Variants in RND2 observed in about 807,000 individuals in gnomAD.
RND2 encodes Rho family GTPase 2.
A neutral mutation model predicts 25.9 loss-of-function variants in RND2; 16 were observed. The observed-to-expected ratio is 0.62, with a 90% CI of 0.42 to 0.94. The LOEUF is 0.94. RND2 is among the 40% of genes least tolerant of loss of function. RND2 has a pLI of 0.00. For missense variants in RND2, 276 were observed against 305.5 expected, an observed-to-expected ratio of 0.90 and a Z score of 0.72; for synonymous variants, 97 against 118.1, an observed-to-expected ratio of 0.82 and a Z score of 1.16.
At position 43,029,818 on chromosome 17, in the gene RND2, C is replaced by T. The variant is rs72829113; in HGVS notation, c.*1138C>T. The T allele has an allele frequency of 0.32, 46,619 of 147,772 alleles. 7,580 individuals carry two copies. Among genetic ancestry groups the T allele is most frequent in the South Asian group, 0.5 (2,340 of 4,678 alleles). 9.2% of individuals were successfully genotyped at this position (147,772 alleles called of 1,614,324 possible). The stretch of plus-strand genomic sequence containing the variant: ...CTGAGGCAGGAGAATGGTGTGAACC[C>T]GGGTGAACCTGGGAGGCGGAGCTTG... On this transcript the variant is annotated 3_prime_UTR_variant, in exon 5 of 5. Transcript: ENST00000587250.
In RND2 at chr17:43,028,089, CCAATGCCA is replaced by C. The variant is rs1359423226; in HGVS notation, c.330_337del (p.Asn111GlyfsTer7). On this transcript the variant is annotated frameshift_variant, in exon 4 of 5. Coordinates refer to ENST00000587250, the MANE Select transcript of RND2 (RefSeq NM_005440.5). LOFTEE classifies it high-confidence loss of function. The stretch of plus-strand genomic sequence containing the variant: ...CAAGGAGAGACTCAAGAGTTCTGCC[CCAATGCCA>C]AGGTTGTGCTGGTTGGCTGTAAACT... 6.2e-7 allele frequency: 1 copy of C among 1,614,062 alleles called. No homozygotes were observed. The highest frequency in any genetic ancestry group is 8.5e-7 in the Non-Finnish European group (1 of 1,179,992).
rs1421526082 is a variant in RND2, at chr17:43,029,473, G to C, written c.*793G>C. 1 of 152,410 alleles carries C rather than the reference G, an allele frequency of 6.6e-6. No homozygotes were observed. Among genetic ancestry groups the C allele is most frequent in the African/African-American group, 2.4e-5 (1 of 41,432 alleles). 9.4% of individuals were successfully genotyped at this position (152,410 alleles called of 1,614,324 possible). A position where few individuals can be genotyped will look rare whatever the true frequency, so the allele number is the denominator to read the frequency against. ...ATTCTCAGGCCATTAGGGGGTTTTA[G>C]AGCAGACCGACATATAATTAGTCAG... On this transcript the variant is annotated 3_prime_UTR_variant, in exon 5 of 5. Coordinates refer to ENST00000587250, the MANE Select transcript of RND2 (RefSeq NM_005440.5).
At chr17:43,026,460 G>A (rs2050623621) in intron 2 of RND2, among the ~76,000 whole-genome samples, 1 of 152,150 alleles carries the variant, frequency 6.6e-6, no homozygotes, top group African/African-American at 2.4e-5. Context: ...GACCAGCCTG[G>A]CCAACATGGT....
At position 43,025,377 on chromosome 17, in the gene RND2, C is replaced by A; in HGVS notation, c.30C>A (p.Ile10=). The A allele has an allele frequency of 1.3e-6, 2 of 1,551,472 alleles. No homozygotes were observed. The highest frequency in any genetic ancestry group is 2.0e-5 in the Admixed American group (1 of 50,838). The part of the protein sequence containing the change: MEGQSGRCK[I]VVVGDAECGK... ...AGGGGCAGAGCGGCCGCTGCAAGAT[C>A]GTGGTGGTGGGAGACGCAGAGTGCG... is the stretch of plus-strand genomic sequence containing the variant. The change falls in exon 1 of 5, where the codon ATC becomes ATA. Residue 10 remains isoleucine (I), a synonymous_variant. Transcript: ENST00000587250.
In RND2 at chr17:43,029,954, C is replaced by T. The variant is rs148917494; in HGVS notation, c.*1274C>T. The T allele has an allele frequency of 6.2e-3, 917 of 148,150 alleles. 2 individuals carry two copies. Among genetic ancestry groups the T allele is most frequent in the Non-Finnish European group, 9.8e-3 (660 of 67,074 alleles). 9.2% of individuals were successfully genotyped at this position (148,150 alleles called of 1,614,324 possible). A position where few individuals can be genotyped will look rare whatever the true frequency, so the allele number is the denominator to read the frequency against. ...GAAGGCATCAAAAGCCTCCACATCA[C>T]AGAAGCTACCCCTGTACAGCGTGAA... On this transcript the variant is annotated 3_prime_UTR_variant, in exon 5 of 5. Transcript: ENST00000587250.
At position 43,027,265 on chromosome 17, in the gene RND2, A is replaced by C. The variant is rs1016068174; in HGVS notation, c.273A>C (p.Pro91=). 2 of 1,612,984 alleles carry C rather than the reference A, an allele frequency of 1.2e-6. No homozygotes were observed. The highest frequency in any genetic ancestry group is 4.5e-5 in the East Asian group (2 of 44,804). ...TCATCTGCTTCGACATTAGCCGACC[A>C]GAAACACTGGACAGTGTTCTCAAGA... ...AVLICFDISR[P]ETLDSVLKKW... Residue 91 remains proline, a synonymous_variant, in exon 3 of 5, where the codon CCA becomes CCC. Transcript: ENST00000587250.
chr17:43,025,475 GGACGCTAAGGCTGCTGGGGGGTGGGT>G (rs1389327903), intron 1 of RND2, 26 bp downstream of exon 1: 1 of 1,542,716 alleles, frequency 6.5e-7, no homozygotes. Context: ...CTTGGGAGGG[GGACGCTAAGGCTGCTGGGGGGTGGGT>G]GACAGGGGCC....
chr17:43,030,233 TC>T lies in RND2; in HGVS notation c.*1556del. ...TCCTGTATTCCCTTCCTGGCTCTGG[TC>T]CCACTGGCCTCTTTTCGGTGACATT... On this transcript the variant is annotated 3_prime_UTR_variant, in exon 5 of 5. Transcript: ENST00000587250. 6.5e-6 allele frequency: 1 copy of T among 153,012 alleles called. No homozygotes were observed. The highest frequency in any genetic ancestry group is 1.5e-5 in the Non-Finnish European group (1 of 68,238). 9.5% of individuals were successfully genotyped at this position (153,012 alleles called of 1,614,324 possible). A position where few individuals can be genotyped will look rare whatever the true frequency, so the allele number is the denominator to read the frequency against.
chr17:43,029,185 C>T lies in RND2; in HGVS notation c.*505C>T, dbSNP rs1198483259. 6.5e-6 allele frequency: 1 copy of T among 154,902 alleles called. No individual in the cohort carries two copies. Among genetic ancestry groups the T allele is most frequent in the Admixed American group, 6.3e-5 (1 of 15,908 alleles). 9.6% of individuals were successfully genotyped at this position (154,902 alleles called of 1,614,324 possible). A position where few individuals can be genotyped will look rare whatever the true frequency, so the allele number is the denominator to read the frequency against. Reference sequence around the variant, plus strand: ...ATCAGTCCACCAGCCCTAGAACCTCCCTTGCCTCAACAGTCACCTAATAAA... The same window carrying T: ...ATCAGTCCACCAGCCCTAGAACCTCTCTTGCCTCAACAGTCACCTAATAAA... On this transcript the variant is annotated 3_prime_UTR_variant, in exon 5 of 5. Coordinates refer to ENST00000587250, the MANE Select transcript of RND2 (RefSeq NM_005440.5).
Position 43,026,035 on chromosome 17 carries a change from TGGGACACTTCAGGTA to T in RND2, c.180_190+4del. ...CAAGCGCCGCATTGAGCTCAACATG[TGGGACACTTCAGGTA>T]GCCAAGTCCCTGGGGGTCACCCTGA... On this transcript the variant is annotated splice_donor_variant and splice_donor_region_variant and coding_sequence_variant and intron_variant, in exon 2 of 5. Coordinates refer to ENST00000587250, the MANE Select transcript of RND2 (RefSeq NM_005440.5). LOFTEE classifies it high-confidence loss of function. 6.2e-7 allele frequency: 1 copy of T among 1,609,632 alleles called. No individual in the cohort carries two copies. The highest frequency in any genetic ancestry group is 1.1e-5 in the South Asian group (1 of 91,024).
rs2050671100 is a variant in RND2, at chr17:43,031,413, CA to C, written c.*2734del. 1 of 152,180 alleles carries C rather than the reference CA, an allele frequency of 6.6e-6. No homozygotes were observed. Among genetic ancestry groups the C allele is most frequent in the Non-Finnish European group, 1.5e-5 (1 of 68,018 alleles). 9.4% of individuals were successfully genotyped at this position (152,180 alleles called of 1,614,324 possible). A position where few individuals can be genotyped will look rare whatever the true frequency, so the allele number is the denominator to read the frequency against. Reference sequence around the variant, plus strand: ...CCTCGGCTAAGGGTACAGGAGAGGGCAGGGGCTCCAGGCCCAGCTAGGTGGA... The same window carrying C: ...CCTCGGCTAAGGGTACAGGAGAGGGCGGGGCTCCAGGCCCAGCTAGGTGGA... On this transcript the variant is annotated 3_prime_UTR_variant, in exon 5 of 5. Transcript: ENST00000587250.
Position 43,029,400 on chromosome 17 carries a change from GAGA to G in RND2, c.*723_*725del, listed in dbSNP as rs1597789729. ...GTGTCCTTTTAGGAGTCAGAGTTGG[GAGA>G]AGGAGACATCCTGGGACTGTTCATC... is the stretch of plus-strand genomic sequence containing the variant. On this transcript the variant is annotated 3_prime_UTR_variant, in exon 5 of 5. Coordinates refer to ENST00000587250, the MANE Select transcript of RND2 (RefSeq NM_005440.5). 1 of 153,054 alleles carries G rather than the reference GAGA, an allele frequency of 6.5e-6. No individual in the cohort carries two copies. Among genetic ancestry groups the G allele is most frequent in the East Asian group, 1.9e-4 (1 of 5,188 alleles). The allele number at this position is 153,054 out of a possible 1,614,324, so 9.5% of individuals were successfully genotyped here.
chr17:43,028,810 C>A lies in RND2; in HGVS notation c.*130C>A. 1 of 1,360,316 alleles carries A rather than the reference C, an allele frequency of 7.4e-7. No individual in the cohort carries two copies. The highest frequency in any genetic ancestry group is 9.9e-7 in the Non-Finnish European group (1 of 1,015,216). The allele number at this position is 1,360,316 out of a possible 1,614,324, so 84.3% of individuals were successfully genotyped here. A position where few individuals can be genotyped will look rare whatever the true frequency, so the allele number is the denominator to read the frequency against. On this transcript the variant is annotated 3_prime_UTR_variant, in exon 5 of 5. Coordinates refer to ENST00000587250, the MANE Select transcript of RND2 (RefSeq NM_005440.5). Reference sequence around the variant, plus strand: ...GGCAGGCAGAGCGAGCAATTCTGGGCAGGGGAGCTGGAGGGCAGAAGGGTA... The same window carrying A: ...GGCAGGCAGAGCGAGCAATTCTGGGAAGGGGAGCTGGAGGGCAGAAGGGTA...
chr17:43,031,977 T>A lies in RND2; in HGVS notation c.*3297T>A, dbSNP rs1485986316. On this transcript the variant is annotated 3_prime_UTR_variant, in exon 5 of 5. Transcript: ENST00000587250. ...CGCTGTTTCCTTCACAAATTAGACA[T>A]TGGTTTGGGAAACAATGTAGCCTCG... 6.6e-6 allele frequency: 1 copy of A among 151,804 alleles called. No homozygotes were observed. The highest frequency in any genetic ancestry group is 1.5e-5 in the Non-Finnish European group (1 of 67,986). The allele number at this position is 151,804 out of a possible 1,614,324, so 9.4% of individuals were successfully genotyped here.
At chr17:43,026,156 A>G in intron 2 of RND2, 109 bp downstream of exon 2, 1 of 665,164 alleles carries the variant, frequency 1.5e-6, no homozygotes, top group African/African-American at 1.8e-5. Context: ...ATCCAATTCC[A>G]ACAGGAAGGG....
At position 43,028,780 on chromosome 17, in the gene RND2, G is replaced by A; in HGVS notation, c.*100G>A. 1 of 1,468,032 alleles carries A rather than the reference G, an allele frequency of 6.8e-7. No homozygotes were observed. The highest frequency in any genetic ancestry group is 9.0e-7 in the Non-Finnish European group (1 of 1,105,172). 90.9% of individuals were successfully genotyped at this position (1,468,032 alleles called of 1,614,324 possible). Reference sequence around the variant, plus strand: ...CTGACCTCCTGATCCTGGCTGGGAAGTTAGGGCAGGCAGAGCGAGCAATTC... The same window carrying A: ...CTGACCTCCTGATCCTGGCTGGGAAATTAGGGCAGGCAGAGCGAGCAATTC... On this transcript the variant is annotated 3_prime_UTR_variant, in exon 5 of 5. Coordinates refer to ENST00000587250, the MANE Select transcript of RND2 (RefSeq NM_005440.5).
chr17:43,028,624 C>G lies in RND2; in HGVS notation c.628C>G (p.Arg210Gly), dbSNP rs199859128. ...RSAQLSGRPD[R>G]GNEGEIHKDR... ...CGCTCAGCTGTCAGGACGGCCAGAC[C>G]GGGGGAATGAGGGCGAGATACACAA... Residue 210 changes from arginine to glycine, a missense_variant, in exon 5 of 5, where the codon CGG (arginine) becomes GGG (glycine). Transcript: ENST00000587250. The G allele has an allele frequency of 4.3e-6, 7 of 1,611,066 alleles. No individual in the cohort carries two copies. In the African/African-American group the frequency reaches 8.0e-5, roughly 18 times the overall value.
chr17:43,028,625 G>T lies in RND2; in HGVS notation c.629G>T (p.Arg210Leu), dbSNP rs754659995. ...RSAQLSGRPD[R>L]GNEGEIHKDR... is the part of the protein sequence containing the mutation. ...GCTCAGCTGTCAGGACGGCCAGACC[G>T]GGGGAATGAGGGCGAGATACACAAG... Residue 210 changes from arginine (R) to leucine (L), a missense_variant, in exon 5 of 5, where the codon CGG (arginine) becomes CTG (leucine). Physicochemically the swap from Arg to Leu is moderately radical, Grantham distance 102. Transcript: ENST00000587250. 9 of 1,609,708 alleles carry T rather than the reference G, an allele frequency of 5.6e-6. No individual in the cohort carries two copies. In the East Asian group the frequency reaches 1.8e-4, roughly 32 times the overall value.
chr17:43,029,005 A>C lies in RND2; in HGVS notation c.*325A>C. ...TATGTGAAGAGTACCCTCCCTCTCCACCCCCAGTCCCCATATCCTGGTTCT... is the reference window on the plus strand; with the variant it reads ...TATGTGAAGAGTACCCTCCCTCTCCCCCCCCAGTCCCCATATCCTGGTTCT... On this transcript the variant is annotated 3_prime_UTR_variant, in exon 5 of 5. Coordinates refer to ENST00000587250, the MANE Select transcript of RND2 (RefSeq NM_005440.5). The C allele has an allele frequency of 3.1e-6, 1 of 321,994 alleles. No homozygotes were observed. The highest frequency in any genetic ancestry group is 4.1e-5 in the South Asian group (1 of 24,394). 19.9% of individuals were successfully genotyped at this position (321,994 alleles called of 1,614,324 possible). A position where few individuals can be genotyped will look rare whatever the true frequency, so the allele number is the denominator to read the frequency against.
Sources: gnomAD v4.1 joint callset for allele counts (sites outside exome capture counted in the v4.1 genomes callset) on GRCh38, gnomAD v4.1.1 for gene constraint, MANE v1.5 for transcripts, NCBI Gene and HGNC (gene_info 2026-07-23, HGNC 2026-07-21) for gene names.